The following SHROOM3 variants were observed in gnomAD, a reference collection of about 807,000 sequenced individuals.
The protein encoded by SHROOM3 is shroom family member 3, also known as protein Shroom3.
A neutral mutation model predicts 138.6 loss-of-function variants in SHROOM3; 47 were observed. The ratio of observed to expected loss-of-function variants is 0.34; its 90% CI spans 0.27 to 0.43. The LOEUF (loss-of-function observed/expected upper bound fraction) is 0.43. Among genes scored for constraint, SHROOM3 ranks in the 20% least tolerant of loss-of-function variants. The pLI is 1.00. For missense variants in SHROOM3, 2,491 were observed against 2,596.5 expected (o/e 0.96, Z 0.88); for synonymous variants, 1,062 against 1,063.3 (o/e 1.00, Z 0.02).
intron 1 of SHROOM3, among the ~76,000 whole-genome samples, chr4:76,497,423 G>A (rs1182901003): frequency 1.3e-5 from 2 of 152,178 alleles, no homozygotes; most frequent in East Asian, 3.8e-4. Context: ...AAAGATCAGA[G>A]TGGAAATCAA....
At chr4:76,538,026 G>T (rs191220916) in intron 1 of SHROOM3, among the ~76,000 whole-genome samples, 2 of 152,230 alleles carry the variant, frequency 1.3e-5, no homozygotes, top group East Asian at 3.9e-4. Flanking sequence ...TCCTGCCTCA[G>T]CCTCCTGAGT....
intron 2 of SHROOM3, among the ~76,000 whole-genome samples, chr4:76,633,674 A>AAAAAG (rs1381092377): frequency 9.7e-5 from 10 of 103,498 alleles, no homozygotes; most frequent in African/African-American, 3.1e-4. Context: ...AAAAAAAAAA[A>AAAAAG]AAAAGAAAAG....
intron 1 of SHROOM3, among the ~76,000 whole-genome samples, chr4:76,453,114 G>T (rs970940559): frequency 6.6e-6 from 1 of 152,144 alleles, no homozygotes; most frequent in Admixed American, 6.5e-5. Flanking sequence ...TGGCATTGAA[G>T]AATCATATGG....
chr4:76,606,002 TA>T (rs1477239691), intron 2 of SHROOM3, among the ~76,000 whole-genome samples: 28 of 111,104 alleles, frequency 2.5e-4, no homozygotes, highest in African/African-American at 6.9e-4. Flanking sequence ...TATATATATA[TA>T]TATATTTTTT....
At chr4:76,697,382 T>C (rs1373056405) in intron 2 of SHROOM3, among the ~76,000 whole-genome samples, 1 of 152,096 alleles carries the variant, frequency 6.6e-6, no homozygotes, top group African/African-American at 2.4e-5. Flanking sequence ...GGGGAGGTAG[T>C]TTCTAGTAGA....
chr4:76,586,585 G>A (rs1734160014), intron 2 of SHROOM3: 6 of 639,098 alleles, frequency 9.4e-6, no homozygotes, highest in Non-Finnish European at 9.7e-6. Context: ...GTTCAAGTTA[G>A]GCCTTTGTGA....
chr4:76,456,452 T>A (rs1238039418), intron 1 of SHROOM3, among the ~76,000 whole-genome samples: 3 of 152,216 alleles, frequency 2.0e-5, no homozygotes, highest in African/African-American at 7.2e-5. Flanking sequence ...TTTGTGGAAT[T>A]TTTTTCTGAA....
rs566298304 is a variant in SHROOM3, at chr4:76,760,837, G to A, written c.5349+1142G>A. Among the ~76,000 whole-genome samples the A allele has an allele frequency of 1.2e-3, 184 of 152,244 alleles. 6 individuals are homozygous for A. In the South Asian group the frequency reaches 0.036, roughly 30 times the overall value. ...TTGCAAATAAGACCACTTGGCTTTT[G>A]GTCTGTCTATATTTATCCCAAAGAG... On this transcript the variant is annotated intron_variant, in intron 9 of 10. Transcript: ENST00000296043.
At position 76,645,743 on chromosome 4, in the gene SHROOM3, A is replaced by T. The variant is rs556328684; in HGVS notation, c.324-64413A>T. ...TATAAGAAAAACCCCACAGACCTAG[A>T]TTCTTAAAACCATTCATATTTGATC... On this transcript the variant is annotated intron_variant, in intron 2 of 10. Coordinates refer to ENST00000296043, the MANE Select transcript of SHROOM3 (RefSeq NM_020859.4). The T allele has an allele frequency of 5.3e-5, 8 of 152,332 alleles. No homozygotes were observed. The South Asian group carries it at 1.5e-3, about 28-fold the overall frequency. The allele number at this position is 152,332 out of a possible 1,614,324, so 9.4% of individuals were successfully genotyped here.
At chr4:76,725,950 C>T (rs186099177) in intron 3 of SHROOM3, among the ~76,000 whole-genome samples, 85 of 152,290 alleles carry the variant, frequency 5.6e-4, no homozygotes, top group African/African-American at 2.0e-3. Context: ...AACCTTTTCA[C>T]TCCCTGGATC....
chr4:76,684,012 T>C (rs1241098786), intron 2 of SHROOM3, among the ~76,000 whole-genome samples: 1 of 152,236 alleles, frequency 6.6e-6, no homozygotes. Context: ...TTGTATGTAC[T>C]GGTGGATGTA....
intron 2 of SHROOM3, among the ~76,000 whole-genome samples, chr4:76,603,838 C>CTTTTT (rs993165829): frequency 2.3e-4 from 22 of 97,258 alleles, no homozygotes; most frequent in Non-Finnish European, 3.4e-4. Context: ...ATCTTGTATT[C>CTTTTT]TTTTTTTTTT....
chr4:76,471,407 C>G (rs1340838730), intron 1 of SHROOM3, among the ~76,000 whole-genome samples: 2 of 152,072 alleles, frequency 1.3e-5, no homozygotes, highest in Non-Finnish European at 2.9e-5. Context: ...CCACGCCTGG[C>G]TAATTTTTTG....
intron 3 of SHROOM3, among the ~76,000 whole-genome samples, chr4:76,715,550 C>T (rs747271117): frequency 3.3e-5 from 5 of 152,170 alleles, no homozygotes; most frequent in Non-Finnish European, 7.3e-5. Flanking sequence ...TTTTCCAAGC[C>T]GATGCTTTTC....
chr4:76,605,939 A>C (rs1390568730), intron 2 of SHROOM3, among the ~76,000 whole-genome samples: 44 of 141,868 alleles, frequency 3.1e-4, no homozygotes, highest in Non-Finnish European at 5.4e-4. Context: ...CTCTCTATAT[A>C]TATATATACA....
chr4:76,759,500 CTGGCGTGATCTGTG>C (rs1430645933), intron 8 of SHROOM3, 31 bp from the exon 9 acceptor site: 3 of 1,613,046 alleles, frequency 1.9e-6, no homozygotes, highest in Non-Finnish European at 2.5e-6. Context: ...AACAAAGCCT[CTGGCGTGATCTGTG>C]TGGCTATACT....
intron 1 of SHROOM3, among the ~76,000 whole-genome samples, chr4:76,515,154 G>A (rs967285349): frequency 6.6e-6 from 1 of 150,710 alleles, no homozygotes; most frequent in African/African-American, 2.5e-5. Flanking sequence ...GGTAGAAGTT[G>A]CAGTGAGCTG....
chr4:76,559,866 G>A lies in SHROOM3; in HGVS notation c.323+4103G>A, dbSNP rs1348032207. Among the ~76,000 whole-genome samples, 3 of 152,232 alleles carry A rather than the reference G, an allele frequency of 2.0e-5. No homozygotes were observed. The East Asian group carries it at 5.8e-4, about 29-fold the overall frequency. ...TGACCCATAAAGAAGGCAGAGTTTAGCCCTCTCTGGGAGGAGGGCGTGAAG... is the reference window on the plus strand; with the variant it reads ...TGACCCATAAAGAAGGCAGAGTTTAACCCTCTCTGGGAGGAGGGCGTGAAG... On this transcript the variant is annotated intron_variant, in intron 2 of 10. Transcript: ENST00000296043.
Position 76,492,606 on chromosome 4 carries a change from A to G in SHROOM3, c.168+56386A>G, listed in dbSNP as rs568134125. Among the ~76,000 whole-genome samples, 4 of 152,314 alleles carry G rather than the reference A, an allele frequency of 2.6e-5. No individual in the cohort carries two copies. In the East Asian group the frequency reaches 7.7e-4, roughly 29 times the overall value. Reference sequence around the variant, plus strand: ...TCTCATGATAAGGAAAAAAAACCCTATGCTACATAGATTCTAGTCCTGACT... The same window carrying G: ...TCTCATGATAAGGAAAAAAAACCCTGTGCTACATAGATTCTAGTCCTGACT... On this transcript the variant is annotated intron_variant, in intron 1 of 10. Coordinates refer to ENST00000296043, the MANE Select transcript of SHROOM3 (RefSeq NM_020859.4).
Sources: gnomAD v4.1 joint callset for allele counts (sites outside exome capture counted in the v4.1 genomes callset) on GRCh38, gnomAD v4.1.1 for gene constraint, MANE v1.5 for transcripts, NCBI Gene and HGNC (gene_info 2026-07-23, HGNC 2026-07-21) for gene names.